Variants in GALNTL6 observed in about 807,000 individuals in gnomAD.
GALNTL6 encodes polypeptide N-acetylgalactosaminyltransferase-like 6.
In GALNTL6, 46 loss-of-function variants were observed where a neutral mutation model predicts 73.7. That is an observed-to-expected ratio of 0.62 (90% CI 0.49 to 0.80). The LOEUF (loss-of-function observed/expected upper bound fraction) is 0.80, where lower values mean the gene tolerates loss of function less well. GALNTL6 is among the 30% of genes least tolerant of loss of function. The pLI, the probability that GALNTL6 is intolerant of heterozygous loss-of-function variation, is 0.00. For missense variants in GALNTL6, 604 were observed against 755.0 expected, an observed-to-expected ratio of 0.80 and a Z score of 2.34; for synonymous variants, 259 against 263.7, an observed-to-expected ratio of 0.98 and a Z score of 0.17.
chr4:172,864,410 T>A (rs1744557315), intron 7 of GALNTL6, among the ~76,000 whole-genome samples: 1 of 152,154 alleles, frequency 6.6e-6, no homozygotes, highest in African/African-American at 2.4e-5. Flanking sequence ...CAGCTTACAG[T>A]GTTGGAAAAA....
At chr4:171,825,083 A>T (rs1734787419) in intron 2 of GALNTL6, among the ~76,000 whole-genome samples, 1 of 152,146 alleles carries the variant, frequency 6.6e-6, no homozygotes. Flanking sequence ...GCCCTCAGGG[A>T]AAAAACGATC....
At chr4:173,012,367 C>T (rs754473329) in intron 11 of GALNTL6, among the ~76,000 whole-genome samples, 12 of 152,276 alleles carry the variant, frequency 7.9e-5, no homozygotes, top group South Asian at 6.2e-4. Flanking sequence ...CCCTCTACCA[C>T]GCATTACAAT....
intron 2 of GALNTL6, among the ~76,000 whole-genome samples, chr4:171,909,165 A>C (rs1175398972): frequency 7.3e-6 from 1 of 136,372 alleles, no homozygotes; most frequent in Non-Finnish European, 1.6e-5. Flanking sequence ...TAAATAAATA[A>C]AAAGAAAAAA....
chr4:172,734,518 T>G (rs1397617852), intron 5 of GALNTL6, among the ~76,000 whole-genome samples: 1 of 152,160 alleles, frequency 6.6e-6, no homozygotes, highest in East Asian at 1.9e-4. Flanking sequence ...GGGCAGTCAT[T>G]AAACCTCAAA....
intron 5 of GALNTL6, among the ~76,000 whole-genome samples, chr4:172,607,496 T>C (rs1738353094): frequency 6.6e-6 from 1 of 152,120 alleles, no homozygotes; most frequent in Admixed American, 6.6e-5. Flanking sequence ...GGCTGTGTAG[T>C]ATTCCTATGG....
chr4:172,697,895 A>G (rs1733788825), intron 5 of GALNTL6, among the ~76,000 whole-genome samples: 1 of 152,182 alleles, frequency 6.6e-6, no homozygotes, highest in Admixed American at 6.5e-5. Flanking sequence ...TCTTTGAAAC[A>G]TTCAGTGCCT....
intron 5 of GALNTL6, among the ~76,000 whole-genome samples, chr4:172,455,482 A>C (rs2111431199): frequency 6.6e-6 from 1 of 152,320 alleles, no homozygotes; most frequent in South Asian, 2.1e-4. Context: ...CTGCGAGCAC[A>C]GCAGCCTGAA....
chr4:171,982,302 G>T (rs370576822), intron 2 of GALNTL6, among the ~76,000 whole-genome samples: 1 of 144,598 alleles, frequency 6.9e-6, no homozygotes, highest in Non-Finnish European at 1.5e-5. Context: ...TTTGTTTGTT[G>T]TTTGTTTGTT....
At chr4:172,170,994 C>T (rs1039202398) in intron 2 of GALNTL6, among the ~76,000 whole-genome samples, 3 of 152,126 alleles carry the variant, frequency 2.0e-5, no homozygotes, top group African/African-American at 7.2e-5. Flanking sequence ...AAAGCAATAA[C>T]ACACATTAGT....
At position 171,814,543 on chromosome 4, in the gene GALNTL6, C is replaced by A. The variant is rs141190450; in HGVS notation, c.-38C>A. On this transcript the variant is annotated 5_prime_UTR_variant, in exon 2 of 13. Coordinates refer to ENST00000506823, the MANE Select transcript of GALNTL6 (RefSeq NM_001034845.3). ...TTAAACACAAGAAGCAGTCAGGGAG[C>A]CATCTCCTTTAACTTTTCTTCTCTG... is the stretch of plus-strand genomic sequence containing the variant. The A allele has an allele frequency of 3.7e-6, 6 of 1,609,140 alleles. No homozygotes were observed. The East Asian group carries it at 1.3e-4, about 36-fold the overall frequency.
intron 5 of GALNTL6, among the ~76,000 whole-genome samples, chr4:172,394,264 A>G (rs1743767221): frequency 6.6e-6 from 1 of 152,058 alleles, no homozygotes; most frequent in South Asian, 2.1e-4. Flanking sequence ...TTTCAAACAT[A>G]TAACAAAAGT....
At chr4:172,124,824 A>G (rs17219583) in intron 2 of GALNTL6, among the ~76,000 whole-genome samples, 46,902 of 152,026 alleles carry the variant, frequency 0.31, 7,676 homozygotes, top group Admixed American at 0.37. Context: ...GAATGTAAAC[A>G]GAAAATTAGG....
rs534059230 is a variant in GALNTL6 at position 171,973,967 on chromosome 4, C to T, written c.138+159249C>T. 1.8e-3 allele frequency among the ~76,000 whole-genome samples: 279 copies of T among 151,988 alleles called. 1 individual carries two copies. Among genetic ancestry groups the T allele is most frequent in the South Asian group, 0.011 (55 of 4,818 alleles). On this transcript the variant is annotated intron_variant, in intron 2 of 12. Transcript: ENST00000506823. The stretch of plus-strand genomic sequence containing the variant: ...TATAAAAGGCATTCTTATAATCAGA[C>T]ATTTTGTTTTTGCAATTTTTTTGTT...
At chr4:172,319,003 C>T (rs775100977) in intron 4 of GALNTL6, among the ~76,000 whole-genome samples, 5 of 152,068 alleles carry the variant, frequency 3.3e-5, no homozygotes, top group East Asian at 3.9e-4. Flanking sequence ...TAATCATATA[C>T]GTTGCTCTGT....
rs778156050 is a variant in GALNTL6, at chr4:172,206,805, G to GTTTTTTTTTTTTTTTTTTTTTTTTT, written c.139-22843_139-22842insTTTTTTTTTTTTTTTTTTTTTTTTT. The stretch of plus-strand genomic sequence containing the variant: ...TTGTTTTGTTTTGTTTTGTTTTTCT[G>GTTTTTTTTTTTTTTTTTTTTTTTTT]TTTTTTTTGTTTGTTTTTTTTTTTT... On this transcript the variant is annotated intron_variant, in intron 2 of 12. Transcript: ENST00000506823. Among the ~76,000 whole-genome samples the GTTTTTTTTTTTTTTTTTTTTTTTTT allele has an allele frequency of 1.9e-4, 5 of 26,130 alleles. 1 individual carries two copies. Among genetic ancestry groups the GTTTTTTTTTTTTTTTTTTTTTTTTT allele is most frequent in the African/African-American group, 3.8e-4 (4 of 10,512 alleles). 17.1% of individuals were successfully genotyped at this position (26,130 alleles called of 152,430 possible). A position where few individuals can be genotyped will look rare whatever the true frequency, so the allele number is the denominator to read the frequency against.
intron 10 of GALNTL6, among the ~76,000 whole-genome samples, chr4:172,964,159 C>T (rs1433336820): frequency 1.3e-5 from 2 of 152,188 alleles, no homozygotes; most frequent in African/African-American, 4.8e-5. Flanking sequence ...GAAAACTATT[C>T]TTAAACCACT....
At chr4:173,021,435 A>T in intron 11 of GALNTL6, 41 bp from the exon 12 acceptor site, 1 of 1,610,096 alleles carries the variant, frequency 6.2e-7, no homozygotes, top group Non-Finnish European at 8.5e-7. Flanking sequence ...TCTCTCCAAA[A>T]CAAACTCACT....
chr4:172,649,291 A>G (rs929533162), intron 5 of GALNTL6, among the ~76,000 whole-genome samples: 1 of 152,174 alleles, frequency 6.6e-6, no homozygotes, highest in Non-Finnish European at 1.5e-5. Flanking sequence ...TGTTTAAAAA[A>G]CAGGGAGGGG....
intron 2 of GALNTL6, among the ~76,000 whole-genome samples, chr4:172,089,309 T>C (rs1187640227): frequency 3.3e-5 from 5 of 152,138 alleles, no homozygotes; most frequent in Non-Finnish European, 7.4e-5. Context: ...GTTGCAAAGA[T>C]TTTTTTATCT....
Sources: gnomAD v4.1 joint callset for allele counts (sites outside exome capture counted in the v4.1 genomes callset) on GRCh38, gnomAD v4.1.1 for gene constraint, MANE v1.5 for transcripts, NCBI Gene and HGNC (gene_info 2026-07-23, HGNC 2026-07-21) for gene names.